PUM2: variants seen among roughly 807,000 people sequenced by gnomAD.
PUM2 encodes pumilio homolog 2.
Under a neutral mutation model 124.5 loss-of-function variants are expected in PUM2, and 57 were observed. The observed-to-expected ratio is 0.46, with a 90% CI of 0.37 to 0.57. The LOEUF (loss-of-function observed/expected upper bound fraction) is 0.57, where lower values mean the gene tolerates loss of function less well. Among genes scored for constraint, PUM2 ranks in the 20% least tolerant of loss-of-function variants. The probability of loss-of-function intolerance (pLI) is 0.00; values close to 1 mark genes in which losing one functional copy is unlikely to be tolerated. For synonymous variants in PUM2, 460 were observed against 446.1 expected, an observed-to-expected ratio of 1.03 and a Z score of -0.39; for missense variants, 1,065 against 1,290.6, an observed-to-expected ratio of 0.83 and a Z score of 2.68.
rs55986830 is a variant in PUM2 at position 20,332,282 on chromosome 2, A to AGTGTGTGTGTGTGTGTGT, written c.-18-4922_-18-4905dup. Among the ~76,000 whole-genome samples the AGTGTGTGTGTGTGTGTGT allele has an allele frequency of 9.0e-3, 1,306 of 145,378 alleles. 11 individuals carry two copies. Among genetic ancestry groups the AGTGTGTGTGTGTGTGTGT allele is most frequent in the African/African-American group, 0.01 (398 of 38,884 alleles). On this transcript the variant is annotated intron_variant, in intron 1 of 20. Transcript: ENST00000361078. ...TCAACTTTTTCACTTATACTACTAG[A>AGTGTGTGTGTGTGTGTGT]GTGTGTGTGTGTGTGTGTGTGTGTG...
At chr2:20,351,249 G>C (rs1689313310), upstream of PUM2, among the ~76,000 whole-genome samples, 1 of 152,258 alleles carries the variant, frequency 6.6e-6, no homozygotes, top group Non-Finnish European at 1.5e-5. Context: ...CGCCCACCGT[G>C]GGGTACTCCT....
At chr2:20,302,899 A>G (rs959403351) in intron 7 of PUM2, among the ~76,000 whole-genome samples, 2 of 152,202 alleles carry the variant, frequency 1.3e-5, no homozygotes, top group Admixed American at 1.3e-4. Context: ...TGTGCAGAAC[A>G]AGCTTGCTGA....
intron 1 of PUM2, among the ~76,000 whole-genome samples, chr2:20,335,325 TA>T (rs1291341939): frequency 6.6e-6 from 1 of 152,242 alleles, no homozygotes; most frequent in Non-Finnish European, 1.5e-5. Flanking sequence ...CTCAGCAAAT[TA>T]AATCACTTTA....
At chr2:20,333,824 G>A (rs933737256) in intron 1 of PUM2, among the ~76,000 whole-genome samples, 2 of 152,026 alleles carry the variant, frequency 1.3e-5, no homozygotes, top group African/African-American at 4.8e-5. Flanking sequence ...CCTAGTGGAG[G>A]GTGACTGGAT....
chr2:20,274,600 T>C (rs556252532), intron 13 of PUM2, among the ~76,000 whole-genome samples: 1 of 152,184 alleles, frequency 6.6e-6, no homozygotes, highest in African/African-American at 2.4e-5. Context: ...TCAGACTTCA[T>C]AGTCCCCTTT....
chr2:20,256,273 A>ATT (rs1664739050), intron 16 of PUM2, 103 bp from the exon 17 acceptor site: 1 of 1,089,500 alleles, frequency 9.2e-7, no homozygotes, highest in Admixed American at 3.5e-5. Context: ...ATCTCAGTAT[A>ATT]TTTATCTCAG....
chr2:20,303,877 T>C (rs766703740), intron 7 of PUM2, among the ~76,000 whole-genome samples: 19 of 152,274 alleles, frequency 1.2e-4, no homozygotes, highest in Non-Finnish European at 2.4e-4. Context: ...TAATCTCTGA[T>C]GGCTCACACC....
At chr2:20,256,248 T>C (rs1004190777) in intron 16 of PUM2, 78 bp from the exon 17 acceptor site, 1 of 1,278,454 alleles carries the variant, frequency 7.8e-7, no homozygotes, top group African/African-American at 1.6e-5. Flanking sequence ...GTATTAAAAA[T>C]TAAAAATATT....
At chr2:20,251,976 A>T (rs1172046766) in intron 20 of PUM2, among the ~76,000 whole-genome samples, 1 of 152,222 alleles carries the variant, frequency 6.6e-6, no homozygotes, top group East Asian at 1.9e-4. Flanking sequence ...CATAGCAAGA[A>T]AGTTACCCAG....
intron 13 of PUM2, among the ~76,000 whole-genome samples, chr2:20,268,645 T>A (rs1279966168): frequency 2.6e-5 from 4 of 152,018 alleles, no homozygotes; most frequent in South Asian, 4.2e-4. Context: ...AAACAAAATA[T>A]ATATATATAT....
chr2:20,251,786 C>CA, intron 20 of PUM2, 70 bp from the exon 21 acceptor site: 2 of 1,540,168 alleles, frequency 1.3e-6, no homozygotes, highest in Non-Finnish European at 8.9e-7. Context: ...AAAGCACCCC[C>CA]AATTCTGGGT....
intron 13 of PUM2, among the ~76,000 whole-genome samples, chr2:20,270,068 T>G (rs1235891498): frequency 6.6e-6 from 1 of 152,178 alleles, no homozygotes; most frequent in East Asian, 1.9e-4. Context: ...TAGTGAAAAC[T>G]ACCTCCTCTT....
intron 10 of PUM2, among the ~76,000 whole-genome samples, chr2:20,284,397 C>G (rs1440066704): frequency 6.6e-6 from 1 of 152,172 alleles, no homozygotes; most frequent in African/African-American, 2.4e-5. Flanking sequence ...GCTCTGTTGT[C>G]TAGGCTGGAG....
intron 10 of PUM2, 93 bp downstream of exon 10, chr2:20,290,559 A>T: frequency 1.5e-6 from 2 of 1,324,666 alleles, no homozygotes; most frequent in Non-Finnish European, 2.0e-6. Flanking sequence ...GCAAGATTTT[A>T]AATACAGTTT....
chr2:20,292,394 G>A (rs574824712), intron 9 of PUM2, among the ~76,000 whole-genome samples: 13 of 151,252 alleles, frequency 8.6e-5, no homozygotes, highest in South Asian at 2.1e-4. Context: ...ACGAAGTCTC[G>A]CTCTATCACA....
Position 20,350,676 on chromosome 2 carries a change from C to T in PUM2, c.-98G>A. ...GCGGCGTCGCTCTTGGCGGTCCTCC[C>T]CCTCCTCCGCCTTCGGTGGCGGCAA... On this transcript the variant is annotated 5_prime_UTR_variant, in exon 1 of 21. Coordinates refer to ENST00000361078, the MANE Select transcript of PUM2 (RefSeq NM_015317.5). 4.1e-6 allele frequency: 4 copies of T among 985,002 alleles called. No individual in the cohort carries two copies. Among genetic ancestry groups the T allele is most frequent in the Non-Finnish European group, 4.8e-6 (4 of 829,594 alleles). The allele number at this position is 985,002 out of a possible 1,614,324, so 61.0% of individuals were successfully genotyped here. A position where few individuals can be genotyped will look rare whatever the true frequency, so the allele number is the denominator to read the frequency against.
chr2:20,344,996 A>G (rs1464958201), intron 1 of PUM2, among the ~76,000 whole-genome samples: 2 of 150,388 alleles, frequency 1.3e-5, no homozygotes, highest in African/African-American at 4.9e-5. Flanking sequence ...AAAAAAAAAA[A>G]AAAAAAAAGA....
chr2:20,297,721 T>C (rs761646943), intron 7 of PUM2, 43 bp from the exon 8 acceptor site: 1 of 1,584,102 alleles, frequency 6.3e-7, no homozygotes, highest in Non-Finnish European at 8.6e-7. Flanking sequence ...CAATGTAAAG[T>C]ATGATTTTTT....
At chr2:20,258,675 T>G (rs1237631595) in intron 15 of PUM2, among the ~76,000 whole-genome samples, 1 of 142,626 alleles carries the variant, frequency 7.0e-6, no homozygotes, top group Admixed American at 7.0e-5. Flanking sequence ...TTTTTTTTTT[T>G]GTTGAGACGG....
Sources: gnomAD v4.1 joint callset for allele counts (sites outside exome capture counted in the v4.1 genomes callset) on GRCh38, gnomAD v4.1.1 for gene constraint, MANE v1.5 for transcripts, NCBI Gene and HGNC (gene_info 2026-07-23, HGNC 2026-07-21) for gene names.